The following GRAMD2B variants were observed in gnomAD, a reference collection of about 807,000 sequenced individuals.
GRAMD2B encodes GRAM domain containing 2B.
Under a neutral mutation model 59.2 loss-of-function variants are expected in GRAMD2B, and 41 were observed. That is an observed-to-expected ratio of 0.69 (90% CI 0.54 to 0.90). The LOEUF (loss-of-function observed/expected upper bound fraction) is 0.90. Among genes scored for constraint, GRAMD2B ranks in the 40% least tolerant of loss-of-function variants. GRAMD2B has a pLI of 0.00. For synonymous variants in GRAMD2B, 161 were observed against 182.7 expected (o/e 0.88, Z 0.96); for missense variants, 424 against 500.5 (o/e 0.85, Z 1.46).
chr5:126,407,500 C>G (rs925571505), intron 1 of GRAMD2B, among the ~76,000 whole-genome samples: 1 of 151,970 alleles, frequency 6.6e-6, no homozygotes, highest in Non-Finnish European at 1.5e-5. Flanking sequence ...TCCTTTCCTT[C>G]TGCTCACAAG....
Position 126,398,018 on chromosome 5 carries a change from ATTT to A in GRAMD2B, c.125+26472_125+26474del, listed in dbSNP as rs70994864. Reference sequence around the variant, plus strand: ...TTGAATGTTTTTTCGTTGTTGGGAGATTTTTTTTTTTTTTTTTTTTTTTGAGAT... The same window carrying A: ...TTGAATGTTTTTTCGTTGTTGGGAGATTTTTTTTTTTTTTTTTTTTGAGAT... On this transcript the variant is annotated intron_variant, in intron 1 of 8. Coordinates refer to the GRAMD2B transcript ENST00000506445. Among the ~76,000 whole-genome samples, 520 of 72,484 alleles carry A rather than the reference ATTT, an allele frequency of 7.2e-3. 4 individuals are homozygous for A. The highest frequency in any genetic ancestry group is 0.025 in the African/African-American group (458 of 18,294). The allele number at this position is 72,484 out of a possible 152,430, so 47.6% of individuals were successfully genotyped here.
chr5:126,434,270 T>A (rs1762042672), intron 1 of GRAMD2B, among the ~76,000 whole-genome samples: 1 of 152,200 alleles, frequency 6.6e-6, no homozygotes, highest in African/African-American at 2.4e-5. Context: ...GGTGTTGGTA[T>A]GTCATAAGTA....
upstream of GRAMD2B, chr5:126,423,230 G>C (rs1412064713): frequency 9.3e-7 from 1 of 1,070,114 alleles, no homozygotes; most frequent in Non-Finnish European, 1.1e-6. Context: ...AGGCTAAACA[G>C]ATTGTGCCTT....
chr5:126,361,714 C>A (rs991365053), intron 1 of GRAMD2B, among the ~76,000 whole-genome samples: 1 of 152,138 alleles, frequency 6.6e-6, no homozygotes. Context: ...GTCACCAAAC[C>A]CTACCTCACG....
In GRAMD2B at chr5:126,480,719, A is replaced by G. The variant is rs1190478377; in HGVS notation, c.735+12A>G. On this transcript the variant is annotated intron_variant, in intron 8 of 13. Transcript: ENST00000285689. The stretch of plus-strand genomic sequence containing the variant: ...CATCTCTGCCTCTGGTAAGTTGCCC[A>G]CATAACTATCTAAATGCAAAAGAAA... The G allele has an allele frequency of 6.2e-7, 1 of 1,607,814 alleles. No homozygotes were observed. Among genetic ancestry groups the G allele is most frequent in the South Asian group, 1.1e-5 (1 of 90,952 alleles).
At chr5:126,480,888 T>C (rs1771604200) in intron 8 of GRAMD2B, 181 bp downstream of exon 8, 1 of 598,650 alleles carries the variant, frequency 1.7e-6, no homozygotes, top group Non-Finnish European at 3.0e-6. Flanking sequence ...CATAAACTTT[T>C]TCCAAGTAAT....
intron 1 of GRAMD2B, among the ~76,000 whole-genome samples, chr5:126,409,013 A>G (rs1758519331): frequency 6.6e-6 from 1 of 151,250 alleles, no homozygotes; most frequent in Non-Finnish European, 1.5e-5. Flanking sequence ...TACAAAGGAC[A>G]TGAACTCATC....
chr5:126,388,227 G>A (rs1163984880), intron 1 of GRAMD2B, among the ~76,000 whole-genome samples: 2 of 152,018 alleles, frequency 1.3e-5, no homozygotes, highest in East Asian at 3.9e-4. Context: ...ACAAAAATTA[G>A]CCAGGTGTGG....
At chr5:126,426,366 T>G (rs1408982337) in intron 1 of GRAMD2B, among the ~76,000 whole-genome samples, 4 of 152,212 alleles carry the variant, frequency 2.6e-5, no homozygotes, top group African/African-American at 9.6e-5. Flanking sequence ...CCTTCCTTCA[T>G]TACTGGCCAT....
chr5:126,443,576 CTT>C (rs1212658684), intron 1 of GRAMD2B, among the ~76,000 whole-genome samples: 1 of 152,222 alleles, frequency 6.6e-6, no homozygotes, highest in African/African-American at 2.4e-5. Flanking sequence ...TCAAAGACAT[CTT>C]TGCCCAGTCA....
intron 1 of GRAMD2B, among the ~76,000 whole-genome samples, chr5:126,439,260 A>G (rs1223491755): frequency 1.3e-5 from 2 of 151,710 alleles, no homozygotes; most frequent in African/African-American, 4.9e-5. Context: ...TGAAATATAT[A>G]GATATTTCAT....
At chr5:126,467,906 A>G (rs1768766282) in intron 2 of GRAMD2B, among the ~76,000 whole-genome samples, 1 of 152,176 alleles carries the variant, frequency 6.6e-6, no homozygotes, top group Non-Finnish European at 1.5e-5. Flanking sequence ...CCATCTTTTC[A>G]CAGCTGAGAA....
At chr5:126,364,096 T>C (rs983870772) in intron 1 of GRAMD2B, among the ~76,000 whole-genome samples, 1 of 152,234 alleles carries the variant, frequency 6.6e-6, no homozygotes, top group African/African-American at 2.4e-5. Flanking sequence ...TAAATCCTTA[T>C]TATGTTCAAG....
chr5:126,441,485 G>T (rs1193338095), intron 1 of GRAMD2B, among the ~76,000 whole-genome samples: 1 of 152,210 alleles, frequency 6.6e-6, no homozygotes, highest in Non-Finnish European at 1.5e-5. Context: ...CACTGTTTCA[G>T]TGGTTATCTT....
chr5:126,411,437 T>G (rs1304226755), intron 1 of GRAMD2B, among the ~76,000 whole-genome samples: 1 of 152,056 alleles, frequency 6.6e-6, no homozygotes, highest in Non-Finnish European at 1.5e-5. Flanking sequence ...ATTTGTGGGT[T>G]CTCTATTCTG....
At chr5:126,389,603 A>C (rs993176200) in intron 1 of GRAMD2B, among the ~76,000 whole-genome samples, 3 of 152,220 alleles carry the variant, frequency 2.0e-5, no homozygotes, top group African/African-American at 7.2e-5. Flanking sequence ...CTTAAAATAA[A>C]TGTTTCACAG....
intron 1 of GRAMD2B, among the ~76,000 whole-genome samples, chr5:126,363,472 A>C (rs1233155093): frequency 6.6e-6 from 1 of 152,250 alleles, no homozygotes; most frequent in East Asian, 1.9e-4. Context: ...AGGGAATTGA[A>C]AACATGTGTT....
intron 1 of GRAMD2B, among the ~76,000 whole-genome samples, chr5:126,384,130 C>G (rs1363353): frequency 0.92 from 139,309 of 152,174 alleles, 64,238 homozygotes; most frequent in East Asian, 1. Flanking sequence ...GCAGAATCTT[C>G]AGTCTATTCT....
rs1763616785 is a variant in GRAMD2B, at chr5:126,443,340, T to C, written c.83+19651T>C. Among the ~76,000 whole-genome samples, 5 of 152,362 alleles carry C rather than the reference T, an allele frequency of 3.3e-5. No individual in the cohort carries two copies. In the South Asian group the frequency reaches 1.0e-3, roughly 32 times the overall value. ...ACAGACTGATCTTTCAGAAACTGTA[T>C]GGCTCAGGCGCACCTGAAATGACTT... is the stretch of plus-strand genomic sequence containing the variant. On this transcript the variant is annotated intron_variant, in intron 1 of 13. Transcript: ENST00000285689.
Sources: gnomAD v4.1 joint callset for allele counts (sites outside exome capture counted in the v4.1 genomes callset) on GRCh38, gnomAD v4.1.1 for gene constraint, MANE v1.5 for transcripts, NCBI Gene and HGNC (gene_info 2026-07-23, HGNC 2026-07-21) for gene names.